NTRK3: variants seen among roughly 807,000 people sequenced by gnomAD.
NTRK3 encodes neurotrophic receptor tyrosine kinase 3, also known as NT-3 growth factor receptor.
In NTRK3, 24 loss-of-function variants were observed where a neutral mutation model predicts 91.7. That is an observed-to-expected ratio of 0.26 (90% CI 0.19 to 0.37). The LOEUF (loss-of-function observed/expected upper bound fraction) is 0.37, where lower values mean the gene tolerates loss of function less well. NTRK3 is among the 10% of genes least tolerant of loss of function. The pLI, the probability that NTRK3 is intolerant of heterozygous loss-of-function variation, is 1.00. For synonymous variants in NTRK3, 483 were observed against 404.0 expected (o/e 1.20, Z -2.34); for missense variants, 880 against 1,068.9 (o/e 0.82, Z 2.46).
chr15:87,909,283 G>C lies in NTRK3; in HGVS notation c.2133+19908C>G, dbSNP rs1235845805. On this transcript the variant is annotated intron_variant, in intron 17 of 18. Transcript: ENST00000394480. ...AAAGGGCTCCTGAGAAGTGAGAGGA[G>C]GGGGGTGCATGAGGAGGGACTCACA... Among the ~76,000 whole-genome samples the C allele has an allele frequency of 3.9e-5, 6 of 152,126 alleles. No individual in the cohort carries two copies. The East Asian group carries it at 9.7e-4, about 25-fold the overall frequency.
chr15:88,154,166 C>T (rs1399546941), intron 5 of NTRK3, among the ~76,000 whole-genome samples: 1 of 151,730 alleles, frequency 6.6e-6, no homozygotes, highest in Non-Finnish European at 1.5e-5. Flanking sequence ...CAGCCTACTG[C>T]CCACTTCTCC....
intron 13 of NTRK3, among the ~76,000 whole-genome samples, chr15:88,110,488 T>A (rs2051221056): frequency 6.6e-6 from 1 of 152,106 alleles, no homozygotes; most frequent in South Asian, 2.1e-4. Flanking sequence ...CTAGGGGTGG[T>A]CAGAGGAGGA....
intron 13 of NTRK3, among the ~76,000 whole-genome samples, chr15:88,055,367 AG>A (rs2045588382): frequency 6.6e-6 from 1 of 152,244 alleles, no homozygotes; most frequent in South Asian, 2.1e-4. Context: ...TAGGAGAAAA[AG>A]CACTTCCCAA....
chr15:87,940,899 A>G lies in NTRK3; in HGVS notation c.1586-146T>C, dbSNP rs1050200153. The stretch of plus-strand genomic sequence containing the variant: ...CAAACTCTAGCACACCAGCTTTAGC[A>G]TAAAAACTGACATCCCTCTGTGGTT... On this transcript the variant is annotated intron_variant, in intron 14 of 18. Coordinates refer to ENST00000394480, the Ensembl canonical transcript of NTRK3. 8 of 1,073,358 alleles carry G rather than the reference A, an allele frequency of 7.5e-6. No homozygotes were observed. The African/African-American group carries it at 7.7e-5, about 10-fold the overall frequency. 66.5% of individuals were successfully genotyped at this position (1,073,358 alleles called of 1,614,324 possible).
chr15:88,244,420 G>C (rs1032011963), intron 3 of NTRK3, among the ~76,000 whole-genome samples: 1 of 152,168 alleles, frequency 6.6e-6, no homozygotes, highest in African/African-American at 2.4e-5. Context: ...AAGGAGGAGG[G>C]CAAGGATTGG....
At chr15:87,861,770 T>G (rs2141371547) in exon 19 of NTRK3, 1 of 196,656 alleles carries the variant, frequency 5.1e-6, no homozygotes, top group Non-Finnish European at 1.1e-5. Context: ...TTTAGGAATT[T>G]TTTCAGAAAA....
intron 14 of NTRK3, among the ~76,000 whole-genome samples, chr15:87,959,243 A>G (rs143597592): frequency 9.3e-4 from 142 of 152,368 alleles, no homozygotes; most frequent in African/African-American, 3.3e-3. Context: ...CTGGTCCCCT[A>G]GTGGGCAGAG....
intron 13 of NTRK3, among the ~76,000 whole-genome samples, chr15:88,088,219 C>G (rs2048685649): frequency 6.6e-6 from 1 of 152,108 alleles, no homozygotes; most frequent in Non-Finnish European, 1.5e-5. Flanking sequence ...GTATCTACCC[C>G]AAGGAGTTGT....
chr15:87,886,492 G>A (rs1404752517), intron 17 of NTRK3, among the ~76,000 whole-genome samples: 1 of 150,500 alleles, frequency 6.6e-6, no homozygotes. Context: ...GACAACACAA[G>A]GCATTGAAAA....
intron 14 of NTRK3, chr15:87,978,983 G>T (rs1013345347): frequency 8.7e-5 from 33 of 377,154 alleles, no homozygotes; most frequent in Non-Finnish European, 1.3e-4. Flanking sequence ...ACTTCATCAG[G>T]CTTTCTTGTG....
intron 3 of NTRK3, among the ~76,000 whole-genome samples, chr15:88,231,372 C>T (rs1338628510): frequency 1.3e-5 from 2 of 152,030 alleles, no homozygotes; most frequent in Non-Finnish European, 2.9e-5. Context: ...TGTCTTCTTT[C>T]TCCACTATTT....
intron 13 of NTRK3, among the ~76,000 whole-genome samples, chr15:88,094,467 C>T (rs1391007728): frequency 2.5e-5 from 3 of 120,686 alleles, no homozygotes; most frequent in Admixed American, 9.8e-5. Flanking sequence ...CAGAGCGAGA[C>T]TCCGTCTCAA....
exon 19 of NTRK3, chr15:87,866,363 T>G (rs898593170): frequency 1.7e-5 from 3 of 178,338 alleles, no homozygotes; most frequent in African/African-American, 7.2e-5. Flanking sequence ...TTAGAAGGAA[T>G]CAAGAAAAGA....
intron 5 of NTRK3, among the ~76,000 whole-genome samples, chr15:88,173,486 C>T (rs1176605793): frequency 2.0e-5 from 3 of 152,216 alleles, no homozygotes; most frequent in African/African-American, 7.2e-5. Context: ...TTCATCTCCA[C>T]CTGCTCGATC....
intron 6 of NTRK3, among the ~76,000 whole-genome samples, chr15:88,145,886 G>A (rs953445401): frequency 3.3e-5 from 5 of 152,124 alleles, no homozygotes; most frequent in African/African-American, 1.2e-4. Context: ...AGATCCTTGT[G>A]TTGGAAACAG....
intron 3 of NTRK3, among the ~76,000 whole-genome samples, chr15:88,201,818 T>A (rs1322430102): frequency 6.6e-6 from 1 of 152,188 alleles, no homozygotes; most frequent in African/African-American, 2.4e-5. Flanking sequence ...GGAGCCCCTG[T>A]CCACTGGGTC....
intron 14 of NTRK3, among the ~76,000 whole-genome samples, chr15:88,009,962 C>T (rs2076756517): frequency 6.6e-6 from 1 of 152,202 alleles, no homozygotes; most frequent in Admixed American, 6.5e-5. Flanking sequence ...AGCCAAAAAA[C>T]ATCATGGAGA....
intron 17 of NTRK3, among the ~76,000 whole-genome samples, chr15:87,902,426 A>G (rs1362893139): frequency 6.6e-6 from 1 of 152,216 alleles, no homozygotes; most frequent in Admixed American, 6.5e-5. Context: ...TTCAAAATAC[A>G]TTAGCCTTGA....
chr15:87,871,133 C>A (rs2064818713), exon 19 of NTRK3: 1 of 231,130 alleles, frequency 4.3e-6, no homozygotes, highest in Non-Finnish European at 8.6e-6. Context: ...TTTGAAGGAA[C>A]ACCCCCCACC....
Sources: allele counts gnomAD v4.1 joint callset (sites outside exome capture counted in the v4.1 genomes callset), GRCh38; gene constraint gnomAD v4.1.1; transcripts MANE v1.5; gene names NCBI Gene and HGNC (gene_info 2026-07-23, HGNC 2026-07-21).